The following MYO16 variants were observed in gnomAD, a reference collection of about 807,000 sequenced individuals.
MYO16 encodes the protein myosin XVI.
MYO16 carries 94 observed loss-of-function variants against 205.3 expected under a neutral mutation model. The observed-to-expected ratio is 0.46, with a 90% CI of 0.39 to 0.54. MYO16 has a LOEUF of 0.54. Among genes scored for constraint, MYO16 ranks in the 20% least tolerant of loss-of-function variants. The pLI, the probability that MYO16 is intolerant of heterozygous loss-of-function variation, is 0.00. For missense variants in MYO16, 2,315 were observed against 2,387.5 expected (o/e 0.97, Z 0.63); for synonymous variants, 988 against 954.0 (o/e 1.04, Z -0.66).
At chr13:108,740,727 C>A (rs995154883) in intron 4 of MYO16, among the ~76,000 whole-genome samples, 1 of 152,148 alleles carries the variant, frequency 6.6e-6, no homozygotes, top group African/African-American at 2.4e-5. Flanking sequence ...TGTCCTGCCC[C>A]CAGAGGTGGA....
At chr13:109,040,731 T>C (rs1886859616) in intron 23 of MYO16, among the ~76,000 whole-genome samples, 1 of 151,488 alleles carries the variant, frequency 6.6e-6, no homozygotes, top group African/African-American at 2.4e-5. Flanking sequence ...TGATAAAGAG[T>C]TTCTACAAAA....
At chr13:108,699,552 C>T (rs1247788626) in intron 2 of MYO16, among the ~76,000 whole-genome samples, 2 of 152,066 alleles carry the variant, frequency 1.3e-5, no homozygotes, top group East Asian at 1.9e-4. Context: ...GGATTTACTA[C>T]TTCTACATCA....
At chr13:109,159,752 AGCTGCCATGCCCT>A (rs1878278892) in intron 32 of MYO16, among the ~76,000 whole-genome samples, 1 of 152,240 alleles carries the variant, frequency 6.6e-6, no homozygotes, top group African/African-American at 2.4e-5. Context: ...AACACAGTGC[AGCTGCCATGCCCT>A]GCTGGACGCT....
intron 21 of MYO16, among the ~76,000 whole-genome samples, chr13:109,008,350 A>G (rs904811192): frequency 1.3e-5 from 2 of 148,954 alleles, no homozygotes; most frequent in African/African-American, 5.0e-5. Context: ...TATCTTGTGT[A>G]TGCACTACTG....
intron 23 of MYO16, among the ~76,000 whole-genome samples, chr13:109,037,344 T>C (rs905252844): frequency 2.0e-5 from 3 of 152,146 alleles, no homozygotes; most frequent in Non-Finnish European, 4.4e-5. Context: ...GGCTCTCCTT[T>C]CTAGGGAGAC....
At chr13:108,671,140 G>A (rs116261523) in intron 2 of MYO16, among the ~76,000 whole-genome samples, 1 of 152,240 alleles carries the variant, frequency 6.6e-6, no homozygotes, top group African/African-American at 2.4e-5. Flanking sequence ...TTGCTCTTTT[G>A]TGTGTTTCTT....
the MYO16 span, among the ~76,000 whole-genome samples, chr13:108,542,386 T>C: frequency 6.6e-6 from 1 of 152,150 alleles, no homozygotes; most frequent in South Asian, 2.1e-4. Context: ...ATCTGCGTGA[T>C]GAAATAATCT....
At chr13:108,698,105 G>A (rs1883159208) in intron 2 of MYO16, among the ~76,000 whole-genome samples, 1 of 152,062 alleles carries the variant, frequency 6.6e-6, no homozygotes, top group African/African-American at 2.4e-5. Context: ...ATGGCACTTA[G>A]GTCACCTTCC....
chr13:109,137,754 A>T (rs1450543245), intron 31 of MYO16, among the ~76,000 whole-genome samples: 1 of 152,182 alleles, frequency 6.6e-6, no homozygotes, highest in African/African-American at 2.4e-5. Context: ...TACAATATCT[A>T]TTTTATTCCT....
At chr13:109,176,544 C>G (rs1358061662) in intron 33 of MYO16, among the ~76,000 whole-genome samples, 2 of 97,670 alleles carry the variant, frequency 2.0e-5, no homozygotes, top group Admixed American at 1.5e-4. Context: ...GGTACTGCTT[C>G]TAATACGGCA....
In MYO16 at chr13:108,793,557, C is replaced by G; in HGVS notation, c.658C>G (p.Pro220Ala). The G allele has an allele frequency of 6.2e-7, 1 of 1,613,714 alleles. No homozygotes were observed. Among genetic ancestry groups the G allele is most frequent in the Non-Finnish European group, 8.5e-7 (1 of 1,179,732 alleles). The change falls in exon 6 of 35, where the codon CCA becomes GCA. Residue 220 changes from proline (P) to alanine (A), a missense_variant. This residue lies in a region of MYO16 where 1,213 missense variants were observed against 1,274.4 expected (regional missense o/e 0.95). Coordinates refer to ENST00000457511, the MANE Select transcript of MYO16 (RefSeq NM_001198950.3). ...TSLRQMKLQR[P>A]MSMLTDVKHF... is the part of the protein sequence containing the mutation. ...ACTGCGCCAGATGAAGCTTCAGAGA[C>G]CAATGAGTATGTTAACAGATGTCAA...
chr13:108,827,390 A>C (rs1219981678), intron 9 of MYO16, among the ~76,000 whole-genome samples: 1 of 152,138 alleles, frequency 6.6e-6, no homozygotes, highest in Admixed American at 6.6e-5. Flanking sequence ...TTGTGCAGTA[A>C]ATCATGATTT....
rs1482805958 is a variant in MYO16, at chr13:109,206,542, A to G, written c.5416-67A>G. 2.5e-6 allele frequency: 3 copies of G among 1,209,558 alleles called. No homozygotes were observed. In the African/African-American group the frequency reaches 4.5e-5, roughly 18 times the overall value. The allele number at this position is 1,209,558 out of a possible 1,614,324, so 74.9% of individuals were successfully genotyped here. A position where few individuals can be genotyped will look rare whatever the true frequency, so the allele number is the denominator to read the frequency against. ...TGCCCCTTTGTATCCAGGTGTTGCT[A>G]TCACACTTCATACTCATTCACAATA... On this transcript the variant is annotated intron_variant, in intron 34 of 34. Transcript: ENST00000457511.
chr13:109,007,279 T>G (rs1235115475), intron 21 of MYO16, among the ~76,000 whole-genome samples: 3 of 151,666 alleles, frequency 2.0e-5, no homozygotes, highest in Non-Finnish European at 2.9e-5. Context: ...TCCCAGCTAC[T>G]CGGGAGGCTG....
the MYO16 span, among the ~76,000 whole-genome samples, chr13:108,528,716 G>A: frequency 6.0e-5 from 2 of 33,218 alleles, no homozygotes; most frequent in East Asian, 9.3e-4. Context: ...CTCCCGTCAC[G>A]TCACCTCCCT....
chr13:108,501,388 G>C, the MYO16 span, among the ~76,000 whole-genome samples: 1 of 152,038 alleles, frequency 6.6e-6, no homozygotes, highest in African/African-American at 2.4e-5. Flanking sequence ...CGGTAACCCC[G>C]GGTCCCACCT....
chr13:108,997,776 T>G (rs1885082157), intron 21 of MYO16, among the ~76,000 whole-genome samples: 1 of 152,124 alleles, frequency 6.6e-6, no homozygotes, highest in Non-Finnish European at 1.5e-5. Context: ...AGGCGGAGGT[T>G]GCAGTGAGCG....
intron 28 of MYO16, among the ~76,000 whole-genome samples, chr13:109,105,338 C>T (rs538729105): frequency 7.9e-5 from 12 of 152,166 alleles, no homozygotes; most frequent in Middle Eastern, 3.4e-3. Flanking sequence ...CAGGGATGGT[C>T]GTGGGCGCCT....
chr13:108,576,883 C>T, the MYO16 span, among the ~76,000 whole-genome samples: 2 of 152,126 alleles, frequency 1.3e-5, no homozygotes, highest in Non-Finnish European at 2.9e-5. Context: ...ACCTCAGCCT[C>T]CTGAGTAGCT....
Sources: gnomAD v4.1 joint callset for allele counts (sites outside exome capture counted in the v4.1 genomes callset) on GRCh38, gnomAD v4.1.1 for gene constraint, gnomAD v4.1.1 regional missense constraint, MANE v1.5 for transcripts, NCBI Gene and HGNC (gene_info 2026-07-23, HGNC 2026-07-21) for gene names.